Variants in TRPS1 observed in about 807,000 individuals in gnomAD.
TRPS1 encodes the protein transcriptional repressor GATA binding 1.
TRPS1 carries 6 observed loss-of-function variants against 101.2 expected under a neutral mutation model. The observed-to-expected ratio is 0.06, with a 90% CI of 0.03 to 0.12. TRPS1 has a LOEUF of 0.12. Among genes scored for constraint, TRPS1 ranks in the 10% least tolerant of loss-of-function variants. The pLI is 1.00. For missense variants in TRPS1, 1,363 were observed against 1,567.0 expected (o/e 0.87, Z 2.20); for synonymous variants, 578 against 589.8 (o/e 0.98, Z 0.29).
chr8:115,481,268 G>A (rs1012479862), intron 5 of TRPS1, among the ~76,000 whole-genome samples: 1 of 152,022 alleles, frequency 6.6e-6, no homozygotes, highest in South Asian at 2.1e-4. Context: ...AGAAGCAAAC[G>A]CAAACTAGCC....
At chr8:115,465,077 T>C (rs1481335102) in intron 5 of TRPS1, among the ~76,000 whole-genome samples, 6 of 152,104 alleles carry the variant, frequency 3.9e-5, no homozygotes. Flanking sequence ...TCTCCCACCC[T>C]AGACTTTGTA....
At chr8:115,594,655 A>G (rs1817748471) in intron 4 of TRPS1, among the ~76,000 whole-genome samples, 1 of 151,988 alleles carries the variant, frequency 6.6e-6, no homozygotes, top group African/African-American at 2.4e-5. Flanking sequence ...TTCATGTGCC[A>G]TAAAAAAGCA....
chr8:115,639,153 T>C (rs1344217590), intron 1 of TRPS1, among the ~76,000 whole-genome samples: 1 of 152,184 alleles, frequency 6.6e-6, no homozygotes, highest in East Asian at 1.9e-4. Flanking sequence ...AGCCTTGACC[T>C]TCCAGACTCA....
chr8:115,514,931 T>C (rs1301699490), intron 5 of TRPS1, among the ~76,000 whole-genome samples: 4 of 151,652 alleles, frequency 2.6e-5, no homozygotes, highest in African/African-American at 9.7e-5. Context: ...AAAAAAAGAA[T>C]ACATTTTGAT....
chr8:115,480,693 T>G (rs1165597038), intron 5 of TRPS1, among the ~76,000 whole-genome samples: 1 of 152,116 alleles, frequency 6.6e-6, no homozygotes, highest in Non-Finnish European at 1.5e-5. Context: ...TACATATATC[T>G]CTATTTTTAA....
rs550641426 is a variant in TRPS1, at chr8:115,409,990, A to G, written c.*4033T>C. The G allele has an allele frequency of 6.6e-5, 10 of 151,418 alleles. No individual in the cohort carries two copies. In the East Asian group the frequency reaches 2.0e-3, roughly 30 times the overall value. The allele number at this position is 151,418 out of a possible 1,614,324, so 9.4% of individuals were successfully genotyped here. On this transcript the variant is annotated 3_prime_UTR_variant, in exon 7 of 7. Coordinates refer to ENST00000395715, the MANE Select transcript of TRPS1 (RefSeq NM_014112.5). ...AGTTGACCTCCTCTCAACTTAAGGC[A>G]AAAGGCTGGCATACAGCACAGAAGC... is the stretch of plus-strand genomic sequence containing the variant.
chr8:115,612,151 AACAG>A (rs747351080), intron 3 of TRPS1, among the ~76,000 whole-genome samples: 50 of 166 alleles, frequency 0.3, no homozygotes, highest in Non-Finnish European at 0.4. Flanking sequence ...AGAAGAAAAG[AACAG>A]AAAAAGAGGC....
Position 115,658,879 on chromosome 8 carries a change from C to T in TRPS1, c.-122+9666G>A, listed in dbSNP as rs566025655. On this transcript the variant is annotated intron_variant, in intron 1 of 6. Transcript: ENST00000395715. ...GCAAGATTGTGTACACATATTTACACATAAAATGTGTACATTATTATTTTT... is the reference window on the plus strand; with the variant it reads ...GCAAGATTGTGTACACATATTTACATATAAAATGTGTACATTATTATTTTT... Among the ~76,000 whole-genome samples the T allele has an allele frequency of 6.6e-5, 10 of 152,212 alleles. 1 individual carries two copies. In the South Asian group the frequency reaches 2.1e-3, roughly 31 times the overall value.
chr8:115,433,732 T>C (rs1158110583), intron 5 of TRPS1, among the ~76,000 whole-genome samples: 2 of 152,156 alleles, frequency 1.3e-5, no homozygotes, highest in Non-Finnish European at 2.9e-5. Context: ...CCATTGTTAA[T>C]TTCAATTACA....
chr8:115,424,877 C>T (rs961986708), intron 5 of TRPS1, among the ~76,000 whole-genome samples: 9 of 152,084 alleles, frequency 5.9e-5, no homozygotes, highest in Non-Finnish European at 8.8e-5. Flanking sequence ...GTTGATATTC[C>T]ATAATTCAAT....
intron 1 of TRPS1, among the ~76,000 whole-genome samples, chr8:115,649,289 C>T (rs2049870): frequency 0.49 from 74,745 of 151,976 alleles, 21,424 homozygotes; most frequent in African/African-American, 0.79. Flanking sequence ...TTTGAAATAC[C>T]ATTATAATAC....
chr8:115,475,993 A>C, intron 5 of TRPS1, among the ~76,000 whole-genome samples: 1 of 151,616 alleles, frequency 6.6e-6, no homozygotes, highest in Non-Finnish European at 1.5e-5. Context: ...AGGTGTTCAG[A>C]AAATATACTT....
intron 5 of TRPS1, among the ~76,000 whole-genome samples, chr8:115,550,388 A>C (rs1317460691): frequency 6.6e-6 from 1 of 152,158 alleles, no homozygotes; most frequent in African/African-American, 2.4e-5. Context: ...GCCACTACTT[A>C]GCTGTGGGGC....
At chr8:115,575,654 T>C (rs561144940) in intron 5 of TRPS1, among the ~76,000 whole-genome samples, 26 of 152,130 alleles carry the variant, frequency 1.7e-4, no homozygotes, top group African/African-American at 5.8e-4. Context: ...CCACCTCCTC[T>C]CCTGAAACCC....
At position 115,586,145 on chromosome 8, in the gene TRPS1, T is replaced by C. The variant is rs554748749; in HGVS notation, c.2700+856A>G. Among the ~76,000 whole-genome samples the C allele has an allele frequency of 2.0e-5, 3 of 152,318 alleles. No individual in the cohort carries two copies. In the South Asian group the frequency reaches 6.2e-4, roughly 32 times the overall value. Reference sequence around the variant, plus strand: ...CCTACCTTCTATGCACAAACAAAGCTTCAAAATCATCCAGAGAAGCTCAAA... The same window carrying C: ...CCTACCTTCTATGCACAAACAAAGCCTCAAAATCATCCAGAGAAGCTCAAA... On this transcript the variant is annotated intron_variant, in intron 5 of 6. Coordinates refer to ENST00000395715, the MANE Select transcript of TRPS1 (RefSeq NM_014112.5).
chr8:115,607,578 A>T (rs1586452928), intron 3 of TRPS1, among the ~76,000 whole-genome samples: 2 of 152,036 alleles, frequency 1.3e-5, no homozygotes, highest in South Asian at 4.1e-4. Context: ...AAACTCACGG[A>T]TCTCATTTAA....
intron 1 of TRPS1, among the ~76,000 whole-genome samples, chr8:115,639,572 GT>G (rs1389611296): frequency 7.9e-5 from 12 of 151,594 alleles, no homozygotes; most frequent in Non-Finnish European, 1.3e-4. Context: ...GTTCACGCCT[GT>G]AATCCCAGCA....
chr8:115,659,424 C>A (rs2130625554), intron 1 of TRPS1, among the ~76,000 whole-genome samples: 1 of 151,576 alleles, frequency 6.6e-6, no homozygotes. Context: ...TATAAAAATT[C>A]AGCAGCCAAA....
intron 5 of TRPS1, among the ~76,000 whole-genome samples, chr8:115,458,018 G>A (rs954962809): frequency 6.6e-6 from 1 of 152,054 alleles, no homozygotes; most frequent in Non-Finnish European, 1.5e-5. Flanking sequence ...GACTAAGCAG[G>A]GACAATGAAA....
Sources: gnomAD v4.1 joint callset for allele counts (sites outside exome capture counted in the v4.1 genomes callset) on GRCh38, gnomAD v4.1.1 for gene constraint, MANE v1.5 for transcripts, NCBI Gene and HGNC (gene_info 2026-07-23, HGNC 2026-07-21) for gene names.